Variants in PTPRN2 observed in about 807,000 individuals in gnomAD.
PTPRN2 encodes the protein receptor-type tyrosine-protein phosphatase N2.
In PTPRN2, 74 loss-of-function variants were observed where a neutral mutation model predicts 118.8. The ratio of observed to expected loss-of-function variants is 0.62; its 90% CI spans 0.52 to 0.76. The LOEUF (loss-of-function observed/expected upper bound fraction) is 0.76. PTPRN2 is among the 30% of genes least tolerant of loss of function. PTPRN2 has a pLI of 0.00. For synonymous variants in PTPRN2, 641 were observed against 608.0 expected, an observed-to-expected ratio of 1.05 and a Z score of -0.80; for missense variants, 1,481 against 1,394.4, an observed-to-expected ratio of 1.06 and a Z score of -0.99.
chr7:157,845,336 C>T lies in PTPRN2; in HGVS notation c.1788+53337G>A, dbSNP rs1211962199. 6.6e-6 allele frequency among the ~76,000 whole-genome samples: 1 copy of T among 152,196 alleles called. No homozygotes were observed. The highest frequency in any genetic ancestry group is 1.5e-5 in the Non-Finnish European group (1 of 68,030). ...CACAGAGTGATCCGCCCTCTTTTCC[C>T]TGGTGAATCACGCAGCCTAACTCAC... On this transcript the variant is annotated intron_variant, in intron 12 of 22. Coordinates refer to ENST00000389418, the MANE Select transcript of PTPRN2 (RefSeq NM_002847.5). The surrounding 1 kb of genome is among the most constrained non-coding windows in gnomAD (Gnocchi z 4.5).
At chr7:157,976,155 G>A (rs1388215270) in intron 11 of PTPRN2, among the ~76,000 whole-genome samples, 1 of 152,220 alleles carries the variant, frequency 6.6e-6, no homozygotes, top group Non-Finnish European at 1.5e-5. Context: ...CCTCAGCCAG[G>A]GCCATGGCAG....
In PTPRN2 at chr7:157,640,908, G is replaced by GA. The variant is rs1804628560; in HGVS notation, c.2196+15448dup. ...AAGACTGAAAGAAGGATATCTTTCAGAAAAAAGGTAGTTTTACCCAAAATG... is the reference window on the plus strand; with the variant it reads ...AAGACTGAAAGAAGGATATCTTTCAGAAAAAAAGGTAGTTTTACCCAAAATG... On this transcript the variant is annotated intron_variant, in intron 14 of 22. Transcript: ENST00000389418. 2.0e-5 allele frequency among the ~76,000 whole-genome samples: 3 copies of GA among 152,290 alleles called. No individual in the cohort carries two copies. The South Asian group carries it at 6.2e-4, about 32-fold the overall frequency.
Position 158,138,287 on chromosome 7 carries a change from C to G in PTPRN2, c.1132+7G>C, listed in dbSNP as rs3752367. ...CTGGGTGTGGGCACCCATGGCGCTG[C>G]AGTCACCTGGAAAGCTGTCTCCACG... On this transcript the variant is annotated splice_region_variant and intron_variant, in intron 7 of 22. Coordinates refer to ENST00000389418, the MANE Select transcript of PTPRN2 (RefSeq NM_002847.5). The G allele has an allele frequency of 0.32, 511,123 of 1,609,670 alleles. 84,198 individuals are homozygous for G. The highest frequency in any genetic ancestry group is 0.51 in the East Asian group (22,871 of 44,734).
intron 3 of PTPRN2, among the ~76,000 whole-genome samples, chr7:158,228,672 C>T (rs1356493005): frequency 6.6e-6 from 1 of 152,102 alleles, no homozygotes; most frequent in Non-Finnish European, 1.5e-5. Flanking sequence ...GCAAAAGCAT[C>T]AGACCACCAT....
chr7:158,342,649 C>G (rs1045687095), intron 2 of PTPRN2, among the ~76,000 whole-genome samples: 1 of 152,240 alleles, frequency 6.6e-6, no homozygotes, highest in Non-Finnish European at 1.5e-5. Context: ...TCAACTCAGT[C>G]AGTCCTTATG....
chr7:158,349,954 G>A (rs553988016), intron 2 of PTPRN2, among the ~76,000 whole-genome samples: 5 of 152,142 alleles, frequency 3.3e-5, no homozygotes, highest in East Asian at 1.9e-4. Flanking sequence ...GAACAAGGGC[G>A]TTACTAGCGC....
chr7:158,573,892 C>T lies in PTPRN2; in HGVS notation c.112+13666G>A, dbSNP rs556647080. Among the ~76,000 whole-genome samples, 3 of 152,258 alleles carry T rather than the reference C, an allele frequency of 2.0e-5. No individual in the cohort carries two copies. The South Asian group carries it at 6.2e-4, about 32-fold the overall frequency. ...TCATTCTCAAACTATGCTGCAATTT[C>T]CATGGGCCTGTGAAGAGATTTATGG... On this transcript the variant is annotated intron_variant, in intron 1 of 22. Transcript: ENST00000389418.
intron 12 of PTPRN2, among the ~76,000 whole-genome samples, chr7:157,850,325 ACG>A: frequency 1.3e-5 from 1 of 76,764 alleles, no homozygotes; most frequent in African/African-American, 4.2e-5. Flanking sequence ...CGAATTTCCG[ACG>A]TGGGTGCCTC....
At chr7:158,331,679 T>A (rs1293852454) in intron 2 of PTPRN2, among the ~76,000 whole-genome samples, 1 of 148,222 alleles carries the variant, frequency 6.7e-6, no homozygotes, top group African/African-American at 2.6e-5. Flanking sequence ...ACTCTCACCA[T>A]AAGAGGTGAC....
intron 12 of PTPRN2, among the ~76,000 whole-genome samples, chr7:157,748,892 C>T (rs375488657): frequency 2.6e-4 from 6 of 23,446 alleles, no homozygotes; most frequent in Admixed American, 5.0e-4. Context: ...GGCCTGCGTC[C>T]CTGAGCTGTG....
chr7:158,282,720 G>C (rs762117559), intron 3 of PTPRN2, among the ~76,000 whole-genome samples: 1 of 148,110 alleles, frequency 6.8e-6, no homozygotes, highest in Non-Finnish European at 1.5e-5. Flanking sequence ...ATCCCTCCTC[G>C]TGCTCCCACA....
Position 158,300,404 on chromosome 7 carries a change from C to T in PTPRN2, c.277+16415G>A, listed in dbSNP as rs1800800311. Among the ~76,000 whole-genome samples the T allele has an allele frequency of 2.0e-5, 3 of 152,052 alleles. No individual in the cohort carries two copies. The South Asian group carries it at 6.2e-4, about 32-fold the overall frequency. On this transcript the variant is annotated intron_variant, in intron 3 of 22. Coordinates refer to ENST00000389418, the MANE Select transcript of PTPRN2 (RefSeq NM_002847.5). ...TAGGTAGTCGCCAGGGGCCTGTGTGCAGAAAAATTTCTCATTTGCTTTGAC... is the reference window on the plus strand; with the variant it reads ...TAGGTAGTCGCCAGGGGCCTGTGTGTAGAAAAATTTCTCATTTGCTTTGAC...
At chr7:158,193,484 A>G (rs1309571297) in intron 4 of PTPRN2, among the ~76,000 whole-genome samples, 1 of 152,040 alleles carries the variant, frequency 6.6e-6, no homozygotes, top group East Asian at 1.9e-4. Flanking sequence ...CAGAGTCAGG[A>G]CTCCCCATGT....
At chr7:157,578,193 A>G (rs1254417809) in intron 17 of PTPRN2, 53 bp from the exon 18 acceptor site, 1 of 1,554,744 alleles carries the variant, frequency 6.4e-7, no homozygotes, top group East Asian at 2.3e-5. Flanking sequence ...TCACCGCGTG[A>G]CATGTGTAAT....
chr7:158,297,636 T>TA (rs1800594505), intron 3 of PTPRN2, among the ~76,000 whole-genome samples: 2 of 152,274 alleles, frequency 1.3e-5, no homozygotes, highest in South Asian at 2.1e-4. Context: ...ATGGACTTAG[T>TA]AAAAAATATA....
chr7:158,081,393 T>C lies in PTPRN2; in HGVS notation c.1644-16A>G. 2 of 1,610,942 alleles carry C rather than the reference T, an allele frequency of 1.2e-6. No homozygotes were observed. The highest frequency in any genetic ancestry group is 1.7e-6 in the Non-Finnish European group (2 of 1,177,128). ...TCCGAGAACCCTGGAAGGGATAATT[T>C]AAAATAAGTTCATAACGAAGTCTAC... On this transcript the variant is annotated splice_polypyrimidine_tract_variant and intron_variant, in intron 10 of 22. Coordinates refer to ENST00000389418, the MANE Select transcript of PTPRN2 (RefSeq NM_002847.5).
chr7:158,168,742 C>T (rs1349522738), intron 5 of PTPRN2, among the ~76,000 whole-genome samples: 1 of 152,036 alleles, frequency 6.6e-6, no homozygotes, highest in East Asian at 1.9e-4. Flanking sequence ...TTTCTCCTCA[C>T]TCATTTAGTA....
Position 157,615,693 on chromosome 7 carries a change from G to T in PTPRN2, c.2344+5669C>A, listed in dbSNP as rs55731436. On this transcript the variant is annotated intron_variant, in intron 15 of 22. Coordinates refer to ENST00000389418, the MANE Select transcript of PTPRN2 (RefSeq NM_002847.5). This position sits in a 1 kb window ranked among gnomAD's most constrained non-coding sequence, Gnocchi z 4.3. ...AAACATGTTTATAAAACGAGCAGAT[G>T]GTGCCGAGCTGAGAGGGAGGTGACG... 0.021 allele frequency: 9,187 copies of T among 444,632 alleles called. 144 individuals are homozygous for T. Among genetic ancestry groups the T allele is most frequent in the Non-Finnish European group, 0.029 (6,145 of 211,688 alleles). The allele number at this position is 444,632 out of a possible 1,614,324, so 27.5% of individuals were successfully genotyped here.
At chr7:157,996,172 T>C (rs949670960) in intron 11 of PTPRN2, among the ~76,000 whole-genome samples, 19 of 152,204 alleles carry the variant, frequency 1.2e-4, no homozygotes, top group African/African-American at 4.6e-4. Flanking sequence ...AGTGAAACAA[T>C]GCAGAATCAG....
Sources: gnomAD v4.1 joint callset for allele counts (sites outside exome capture counted in the v4.1 genomes callset) on GRCh38, gnomAD v4.1.1 for gene constraint, Gnocchi (gnomAD v3.1) non-coding constraint, MANE v1.5 for transcripts, NCBI Gene and HGNC (gene_info 2026-07-23, HGNC 2026-07-21) for gene names.